SYK: variants seen among roughly 807,000 people sequenced by gnomAD.
SYK encodes tyrosine-protein kinase SYK.
In SYK, 16 loss-of-function variants were observed where a neutral mutation model predicts 77.8. The ratio of observed to expected loss-of-function variants is 0.21; its 90% CI spans 0.14 to 0.31. The LOEUF (loss-of-function observed/expected upper bound fraction) is 0.31. Ranked by LOEUF, SYK falls within the 10% of genes least tolerant of loss-of-function variation. The probability of loss-of-function intolerance (pLI) is 1.00; values close to 1 mark genes in which losing one functional copy is unlikely to be tolerated. For synonymous variants in SYK, 312 were observed against 308.7 expected (o/e 1.01, Z -0.11); for missense variants, 529 against 814.4 (o/e 0.65, Z 4.26).
intron 1 of SYK, among the ~76,000 whole-genome samples, chr9:90,837,352 G>T (rs1826122485): frequency 6.6e-6 from 1 of 152,116 alleles, no homozygotes; most frequent in Non-Finnish European, 1.5e-5. Context: ...GGTTTGTGTT[G>T]ATGCTACAAA....
intron 1 of SYK, among the ~76,000 whole-genome samples, chr9:90,818,834 C>T (rs1825399101): frequency 6.6e-6 from 1 of 152,170 alleles, no homozygotes; most frequent in Admixed American, 6.5e-5. Context: ...CTCTGGTGCC[C>T]CTGATTTAGG....
chr9:90,817,882 T>TGTGTGTGTGTGTGTGTGAGA (rs1302553724), intron 1 of SYK, among the ~76,000 whole-genome samples: 5 of 66,866 alleles, frequency 7.5e-5, no homozygotes, highest in Non-Finnish European at 1.6e-4. Flanking sequence ...TGTGTGTGTG[T>TGTGTGTGTGTGTGTGTGAGA]GAGAGAGAGA....
At position 90,855,037 on chromosome 9, in the gene SYK, C is replaced by CACACAT. The variant is rs779653843; in HGVS notation, c.579-7167_579-7166insACATAC. On this transcript the variant is annotated intron_variant, in intron 3 of 13. Transcript: ENST00000375754. ...ACACACACACACACACACACACACA[C>CACACAT]ACTTGAGAACCGCGGCTGCATATCA... Among the ~76,000 whole-genome samples, 938 of 151,472 alleles carry CACACAT rather than the reference C, an allele frequency of 6.2e-3. 6 individuals carry two copies. The highest frequency in any genetic ancestry group is 9.6e-3 in the Non-Finnish European group (654 of 67,826).
intron 4 of SYK, among the ~76,000 whole-genome samples, chr9:90,863,577 T>C (rs1827356553): frequency 6.6e-6 from 1 of 152,232 alleles, no homozygotes; most frequent in Admixed American, 6.5e-5. Flanking sequence ...AACATTTACA[T>C]TGTCTTTTGA....
chr9:90,833,697 A>G (rs1229488362), intron 1 of SYK, among the ~76,000 whole-genome samples: 1 of 152,218 alleles, frequency 6.6e-6, no homozygotes, highest in Non-Finnish European at 1.5e-5. Flanking sequence ...CTCTTCATCT[A>G]TAAAGTTGCT....
At chr9:90,883,847 C>G (rs1587911963) in intron 11 of SYK, among the ~76,000 whole-genome samples, 2 of 152,142 alleles carry the variant, frequency 1.3e-5, no homozygotes, top group Non-Finnish European at 2.9e-5. Context: ...CACAATCTAC[C>G]TGAAAGCCCA....
intron 13 of SYK, among the ~76,000 whole-genome samples, chr9:90,890,831 G>A (rs561523839): frequency 1.3e-5 from 2 of 152,350 alleles, no homozygotes; most frequent in East Asian, 1.9e-4. Flanking sequence ...TAATACCTGA[G>A]CTCGTTGCCT....
chr9:90,888,690 C>T (rs1401598217), intron 13 of SYK, 63 bp downstream of exon 13: 5 of 1,257,024 alleles, frequency 4.0e-6, no homozygotes, highest in South Asian at 1.5e-5. Flanking sequence ...AATGGTTGGG[C>T]GTCTAAAAAA....
intron 1 of SYK, among the ~76,000 whole-genome samples, chr9:90,841,542 G>GT (rs1221302889): frequency 7.2e-6 from 1 of 138,292 alleles, no homozygotes; most frequent in African/African-American, 2.6e-5. Context: ...TAGTATGGGG[G>GT]TGTATGTGTG....
At chr9:90,811,895 C>T (rs1825088349) in intron 1 of SYK, among the ~76,000 whole-genome samples, 1 of 147,378 alleles carries the variant, frequency 6.8e-6, no homozygotes, top group South Asian at 2.1e-4. Flanking sequence ...CACTGCACAC[C>T]AGCCTGGGTG....
At chr9:90,857,942 G>GA (rs3838339) in intron 3 of SYK, among the ~76,000 whole-genome samples, 79,278 of 151,642 alleles carry the variant, frequency 0.52, 21,967 homozygotes, top group East Asian at 0.69. Context: ...CTCTGCCATG[G>GA]AAAAAAAATG....
intron 1 of SYK, among the ~76,000 whole-genome samples, chr9:90,841,713 G>A (rs538215717): frequency 2.6e-5 from 4 of 151,054 alleles, no homozygotes; most frequent in African/African-American, 9.7e-5. Context: ...TGTGATGTGT[G>A]TAGTGTGTAC....
Position 90,896,544 on chromosome 9 carries a change from G to A in SYK, c.*944G>A, listed in dbSNP as rs946275772. 1 of 232,664 alleles carries A rather than the reference G, an allele frequency of 4.3e-6. No individual in the cohort carries two copies. The highest frequency in any genetic ancestry group is 8.5e-6 in the Non-Finnish European group (1 of 117,748). 14.4% of individuals were successfully genotyped at this position (232,664 alleles called of 1,614,324 possible). A position where few individuals can be genotyped will look rare whatever the true frequency, so the allele number is the denominator to read the frequency against. ...TGTGTCTGCAATGGGGGGCAGCACA[G>A]GGATCAAAGCCATCTAAAGAGTTTC... On this transcript the variant is annotated 3_prime_UTR_variant, in exon 14 of 14. Transcript: ENST00000375754.
chr9:90,887,698 C>T (rs763741029), intron 11 of SYK, 51 bp from the exon 12 acceptor site: 23 of 1,552,194 alleles, frequency 1.5e-5, no homozygotes, highest in Middle Eastern at 1.7e-4. Context: ...CCAATGTGCC[C>T]GGCCCACAAT....
At chr9:90,892,415 A>G (rs1172663) in intron 13 of SYK, among the ~76,000 whole-genome samples, 60,329 of 152,054 alleles carry the variant, frequency 0.4, 12,696 homozygotes, top group African/African-American at 0.52. Flanking sequence ...TGCTGCAGGC[A>G]TGAAGAGACA....
chr9:90,856,019 T>C (rs1263637148), intron 3 of SYK, among the ~76,000 whole-genome samples: 1 of 152,212 alleles, frequency 6.6e-6, no homozygotes. Context: ...AATACTGTAT[T>C]ATTGGACTGG....
rs557030950 is a variant in SYK at position 90,874,927 on chromosome 9, C to T, written c.1181+78C>T. The stretch of plus-strand genomic sequence containing the variant: ...CATGACTGAGAATAACAAAATGTAA[C>T]CTGGCATGACTAAACCCTTTTTTTA... On this transcript the variant is annotated intron_variant, in intron 9 of 13. Transcript: ENST00000375754. 1,009 of 1,506,638 alleles carry T rather than the reference C, an allele frequency of 6.7e-4. 2 individuals are homozygous for T. Among genetic ancestry groups the T allele is most frequent in the Non-Finnish European group, 8.7e-4 (962 of 1,101,500 alleles). 93.3% of individuals were successfully genotyped at this position (1,506,638 alleles called of 1,614,324 possible).
At position 90,804,739 on chromosome 9, in the gene SYK, G is replaced by A. The variant is rs769347530; in HGVS notation, c.-42+2846G>A. ...AGATTATGATCAAATTGCCTCATTTGTGTCTTATCACCTTCCTCTTCTACT... is the reference window on the plus strand; with the variant it reads ...AGATTATGATCAAATTGCCTCATTTATGTCTTATCACCTTCCTCTTCTACT... On this transcript the variant is annotated intron_variant, in intron 1 of 13. Transcript: ENST00000375754. 1.2e-4 allele frequency among the ~76,000 whole-genome samples: 18 copies of A among 152,326 alleles called. No individual in the cohort carries two copies. The East Asian group carries it at 3.3e-3, about 28-fold the overall frequency.
intron 3 of SYK, 21 bp from the exon 4 acceptor site, chr9:90,862,185 C>G: frequency 6.3e-7 from 1 of 1,589,500 alleles, no homozygotes. Context: ...GGGGATGATG[C>G]AGTTCCATCC....
Sources: gnomAD v4.1 joint callset for allele counts (sites outside exome capture counted in the v4.1 genomes callset) on GRCh38, gnomAD v4.1.1 for gene constraint, MANE v1.5 for transcripts, NCBI Gene and HGNC (gene_info 2026-07-23, HGNC 2026-07-21) for gene names.